Variants in IRF4 observed in about 807,000 individuals in gnomAD.
IRF4 encodes the protein lymphocyte-specific interferon regulatory factor.
IRF4 carries 13 observed loss-of-function variants against 55.5 expected under a neutral mutation model. The ratio of observed to expected loss-of-function variants is 0.23; its 90% CI spans 0.15 to 0.37. The LOEUF is 0.37. Among genes scored for constraint, IRF4 ranks in the 10% least tolerant of loss-of-function variants. The probability of loss-of-function intolerance (pLI) is 1.00; values close to 1 mark genes in which losing one functional copy is unlikely to be tolerated. For synonymous variants in IRF4, 249 were observed against 240.7 expected (o/e 1.03, Z -0.32); for missense variants, 397 against 593.8 (o/e 0.67, Z 3.44).
intron 6 of IRF4, among the ~76,000 whole-genome samples, chr6:400,730 A>G (rs553731286): frequency 2.0e-5 from 3 of 152,262 alleles, no homozygotes; most frequent in South Asian, 2.1e-4. Flanking sequence ...GAGTGTGTTT[A>G]TATATAAATT....
In IRF4 at chr6:398,807, G is replaced by A. The variant is rs546870529; in HGVS notation, c.638-21G>A. 14 of 1,584,564 alleles carry A rather than the reference G, an allele frequency of 8.8e-6. No homozygotes were observed. In the South Asian group the frequency reaches 1.4e-4, roughly 16 times the overall value. On this transcript the variant is annotated intron_variant, in intron 5 of 8. Transcript: ENST00000380956. ...CGGACTCTCTGTCTAGACATCATCT[G>A]ATTTTTATTTGCAAATGCAGGTTGC...
chr6:411,266 A>C lies in IRF4; in HGVS notation c.*3668A>C. On this transcript the variant is annotated 3_prime_UTR_variant, in exon 9 of 9. Coordinates refer to ENST00000380956, the MANE Select transcript of IRF4 (RefSeq NM_002460.4). ...CCAAATGAAAGCTTGAATTTCCCCT[A>C]CTGGCTCTGCGTTTTGCTGAGATCT... 4.4e-6 allele frequency: 1 copy of C among 228,166 alleles called. No individual in the cohort carries two copies. The highest frequency in any genetic ancestry group is 5.7e-5 in the Admixed American group (1 of 17,598). The allele number at this position is 228,166 out of a possible 1,614,324, so 14.1% of individuals were successfully genotyped here. A position where few individuals can be genotyped will look rare whatever the true frequency, so the allele number is the denominator to read the frequency against.
intron 7 of IRF4, 93 bp from the exon 8 acceptor site, chr6:404,925 C>T: frequency 1.3e-6 from 1 of 776,408 alleles, no homozygotes; most frequent in South Asian, 1.5e-5. Context: ...TTGCAGTGTT[C>T]AGAATCACAG....
chr6:395,741 T>C, intron 3 of IRF4, 106 bp from the exon 4 acceptor site: 2 of 799,798 alleles, frequency 2.5e-6, no homozygotes, highest in Admixed American at 2.3e-5. Context: ...CACCGTGTTA[T>C]GCATTCTAAG....
intron 5 of IRF4, among the ~76,000 whole-genome samples, chr6:398,454 C>T (rs1016751098): frequency 6.6e-6 from 1 of 152,246 alleles, no homozygotes; most frequent in African/African-American, 2.4e-5. Flanking sequence ...TTTAATTGGG[C>T]TCTTTGGCAC....
In IRF4 at chr6:407,571, T is replaced by C. The variant is rs368776000; in HGVS notation, c.1329T>C (p.Ser443=). The C allele has an allele frequency of 7.5e-6, 12 of 1,609,560 alleles. No homozygotes were observed. Among genetic ancestry groups the C allele is most frequent in the Non-Finnish European group, 1.0e-5 (12 of 1,178,908 alleles). ...GCAATCCAGAAGATTACCACAGATC[T>C]ATCCGCCATTCCTCTATTCAAGAAT... ...HISNPEDYHR[S]IRHSSIQE The change falls in exon 9 of 9, where the codon TCT becomes TCC. Residue 443 remains serine, a synonymous_variant. Coordinates refer to ENST00000380956, the MANE Select transcript of IRF4 (RefSeq NM_002460.4).
In IRF4 at chr6:393,578, C is replaced by T. The variant is rs1386993556; in HGVS notation, c.216+210C>T. Reference sequence around the variant, plus strand: ...GACCGCGGGGGCCGGGAGCCGGGTCCTGGGCGCGTGGAGGCTGCAGGGAAA... The same window carrying T: ...GACCGCGGGGGCCGGGAGCCGGGTCTTGGGCGCGTGGAGGCTGCAGGGAAA... On this transcript the variant is annotated intron_variant, in intron 2 of 8. Coordinates refer to ENST00000380956, the MANE Select transcript of IRF4 (RefSeq NM_002460.4). The surrounding 1 kb of genome is among the most constrained non-coding windows in gnomAD (Gnocchi z 5.4). Among the ~76,000 whole-genome samples the T allele has an allele frequency of 6.6e-6, 1 of 152,130 alleles. No homozygotes were observed. Among genetic ancestry groups the T allele is most frequent in the Non-Finnish European group, 1.5e-5 (1 of 68,006 alleles).
At position 409,632 on chromosome 6, in the gene IRF4, C is replaced by T. The variant is rs570574765; in HGVS notation, c.*2034C>T. 2.3e-5 allele frequency: 5 copies of T among 221,560 alleles called. No individual in the cohort carries two copies. The highest frequency in any genetic ancestry group is 1.1e-4 in the African/African-American group (5 of 44,748). 13.7% of individuals were successfully genotyped at this position (221,560 alleles called of 1,614,324 possible). A position where few individuals can be genotyped will look rare whatever the true frequency, so the allele number is the denominator to read the frequency against. ...ATGTATTGGGCAGCAGACTGTGTTTCGTGAACTGCAGTGATGTATACATCT... is the reference window on the plus strand; with the variant it reads ...ATGTATTGGGCAGCAGACTGTGTTTTGTGAACTGCAGTGATGTATACATCT... On this transcript the variant is annotated 3_prime_UTR_variant, in exon 9 of 9. Coordinates refer to ENST00000380956, the MANE Select transcript of IRF4 (RefSeq NM_002460.4).
At chr6:398,157 A>T (rs897650943) in intron 5 of IRF4, among the ~76,000 whole-genome samples, 1 of 152,240 alleles carries the variant, frequency 6.6e-6, no homozygotes, top group Non-Finnish European at 1.5e-5. Context: ...TGGCTAACAT[A>T]AAACTAGCTC....
Position 401,434 on chromosome 6 carries a change from G to A in IRF4, c.756G>A (p.Leu252=), listed in dbSNP as rs912246620. Residue 252 remains leucine, a synonymous_variant, in exon 7 of 9, where the codon CTG becomes CTA. Transcript: ENST00000380956. ...AEALAFSDCR[L]HICLYYREIL... is the part of the protein sequence containing the mutation. ...GCTCTGTGTTTGCAGACTGCCGGCT[G>A]CACATCTGCCTGTACTACCGGGAAA... The A allele has an allele frequency of 6.2e-7, 1 of 1,612,064 alleles. No individual in the cohort carries two copies. Among genetic ancestry groups the A allele is most frequent in the Non-Finnish European group, 8.5e-7 (1 of 1,179,426 alleles).
In IRF4 at chr6:393,577, C is replaced by T. The variant is rs941379494; in HGVS notation, c.216+209C>T. 6.6e-6 allele frequency among the ~76,000 whole-genome samples: 1 copy of T among 152,118 alleles called. No individual in the cohort carries two copies. The highest frequency in any genetic ancestry group is 1.5e-5 in the Non-Finnish European group (1 of 68,004). On this transcript the variant is annotated intron_variant, in intron 2 of 8. Transcript: ENST00000380956. The surrounding 1 kb of genome is among the most constrained non-coding windows in gnomAD (Gnocchi z 5.4). ...GGACCGCGGGGGCCGGGAGCCGGGT[C>T]CTGGGCGCGTGGAGGCTGCAGGGAA... is the stretch of plus-strand genomic sequence containing the variant.
rs891900110 is a variant in IRF4, at chr6:408,726, A to G, written c.*1128A>G. The G allele has an allele frequency of 4.3e-6, 1 of 231,848 alleles. No individual in the cohort carries two copies. The highest frequency in any genetic ancestry group is 8.5e-6 in the Non-Finnish European group (1 of 117,070). 14.4% of individuals were successfully genotyped at this position (231,848 alleles called of 1,614,324 possible). A position where few individuals can be genotyped will look rare whatever the true frequency, so the allele number is the denominator to read the frequency against. ...TTGTTTGGCTGTCCAGCGATCAGCCATGGCGACACTAAAGGAGGAGGAGCC... is the reference window on the plus strand; with the variant it reads ...TTGTTTGGCTGTCCAGCGATCAGCCGTGGCGACACTAAAGGAGGAGGAGCC... On this transcript the variant is annotated 3_prime_UTR_variant, in exon 9 of 9. Transcript: ENST00000380956.
chr6:407,369 C>T (rs1420294178), intron 8 of IRF4, 86 bp from the exon 9 acceptor site: 1 of 1,254,076 alleles, frequency 8.0e-7, no homozygotes, highest in Non-Finnish European at 1.1e-6. Flanking sequence ...CTTTACGTTA[C>T]TGTCTCCTTA....
rs1054437109 is a variant in IRF4 at position 408,513 on chromosome 6, A to C, written c.*915A>C. On this transcript the variant is annotated 3_prime_UTR_variant, in exon 9 of 9. Coordinates refer to ENST00000380956, the MANE Select transcript of IRF4 (RefSeq NM_002460.4). ...GACATTTTTGTCTGTCCTACAATCTAGTAATGTCTAAGTAATGGTTAAGTT... is the reference window on the plus strand; with the variant it reads ...GACATTTTTGTCTGTCCTACAATCTCGTAATGTCTAAGTAATGGTTAAGTT... 3 of 229,930 alleles carry C rather than the reference A, an allele frequency of 1.3e-5. No homozygotes were observed. Among genetic ancestry groups the C allele is most frequent in the African/African-American group, 6.6e-5 (3 of 45,162 alleles). 14.2% of individuals were successfully genotyped at this position (229,930 alleles called of 1,614,324 possible). A position where few individuals can be genotyped will look rare whatever the true frequency, so the allele number is the denominator to read the frequency against.
Position 393,535 on chromosome 6 carries a change from G to A in IRF4, c.216+167G>A, listed in dbSNP as rs1418313140. Among the ~76,000 whole-genome samples the A allele has an allele frequency of 1.3e-5, 2 of 152,076 alleles. No individual in the cohort carries two copies. The highest frequency in any genetic ancestry group is 4.8e-5 in the African/African-American group (2 of 41,410). On this transcript the variant is annotated intron_variant, in intron 2 of 8. Transcript: ENST00000380956. The surrounding 1 kb of genome is among the most constrained non-coding windows in gnomAD (Gnocchi z 5.4). ...CCGGAGCCGCAGGAGGAGGAAAGGAGGCCTCGGCTCTCAGCGGGACCGCGG... is the reference window on the plus strand; with the variant it reads ...CCGGAGCCGCAGGAGGAGGAAAGGAAGCCTCGGCTCTCAGCGGGACCGCGG...
Position 394,860 on chromosome 6 carries a change from G to C in IRF4, c.256G>C (p.Asp86His). 1 of 1,614,140 alleles carries C rather than the reference G, an allele frequency of 6.2e-7. No homozygotes were observed. Among genetic ancestry groups the C allele is most frequent in the Non-Finnish European group, 8.5e-7 (1 of 1,180,028 alleles). The part of the protein sequence containing the change: ...LFKGKFREGI[D>H]KPDPPTWKTR... ...TAAAGGAAAGTTCCGAGAAGGCATC[G>C]ACAAGCCGGACCCTCCCACCTGGAA... Residue 86 changes from aspartate to histidine, a missense_variant, in exon 3 of 9, where the codon GAC becomes CAC. Around this residue, in one of 3 missense-constraint regions of IRF4, gnomAD observed 341 missense variants for 548.1 expected, o/e 0.62. Transcript: ENST00000380956.
In IRF4 at chr6:393,365, C is replaced by T. The variant is rs1227792619; in HGVS notation, c.213C>T (p.Phe71=). The T allele has an allele frequency of 6.3e-7, 1 of 1,586,824 alleles. No homozygotes were observed. Among genetic ancestry groups the T allele is most frequent in the South Asian group, 1.1e-5 (1 of 87,242 alleles). The part of the protein sequence containing the change: ...DYNREEDAAL[F]KAWALFKGKF... ...ACCGCGAGGAGGACGCCGCGCTCTTCAAGGTCTCCGGCCTCGGGAGCCGGC... is the reference window on the plus strand; with the variant it reads ...ACCGCGAGGAGGACGCCGCGCTCTTTAAGGTCTCCGGCCTCGGGAGCCGGC... The change falls in exon 2 of 9, where the codon TTC becomes TTT. Residue 71 remains phenylalanine, a synonymous_variant. Transcript: ENST00000380956. This position sits in a 1 kb window ranked among gnomAD's most constrained non-coding sequence, Gnocchi z 5.4.
intron 6 of IRF4, among the ~76,000 whole-genome samples, chr6:400,833 A>G (rs1194859995): frequency 6.6e-6 from 1 of 152,042 alleles, no homozygotes; most frequent in Non-Finnish European, 1.5e-5. Flanking sequence ...TTTTACCTAA[A>G]TGATGTCATG....
rs1042901169 is a variant in IRF4, at chr6:393,481, G to T, written c.216+113G>T. 2.6e-6 allele frequency: 2 copies of T among 764,142 alleles called. No individual in the cohort carries two copies. The highest frequency in any genetic ancestry group is 3.6e-6 in the Non-Finnish European group (2 of 552,450). 47.3% of individuals were successfully genotyped at this position (764,142 alleles called of 1,614,324 possible). On this transcript the variant is annotated intron_variant, in intron 2 of 8. Transcript: ENST00000380956. This position sits in a 1 kb window ranked among gnomAD's most constrained non-coding sequence, Gnocchi z 5.4. ...CCAGGGGACCGCGCGGGGCGGACGG[G>T]CGGGCGGCGGAGGCATCAGGTGGCG...
Sources: gnomAD v4.1 joint callset for allele counts (sites outside exome capture counted in the v4.1 genomes callset) on GRCh38, gnomAD v4.1.1 for gene constraint, gnomAD v4.1.1 regional missense constraint, Gnocchi (gnomAD v3.1) non-coding constraint, MANE v1.5 for transcripts, NCBI Gene and HGNC (gene_info 2026-07-23, HGNC 2026-07-21) for gene names.